Variants in ADCY7 observed in about 807,000 individuals in gnomAD.
ADCY7 encodes the protein adenylate cyclase 7, also known as adenylate cyclase type 7.
ADCY7 carries 72 observed loss-of-function variants against 120.6 expected under a neutral mutation model. The observed-to-expected ratio is 0.60, with a 90% confidence interval of 0.49 to 0.73. The LOEUF (loss-of-function observed/expected upper bound fraction) is 0.73. ADCY7 is among the 30% of genes least tolerant of loss of function. The pLI is 0.00. For missense variants in ADCY7, 1,227 were observed against 1,486.0 expected (o/e 0.83, Z 2.87); for synonymous variants, 661 against 628.0 (o/e 1.05, Z -0.78).
At chr16:50,308,616 C>A in intron 16 of ADCY7, 51 bp from the exon 17 acceptor site, 1 of 1,579,560 alleles carries the variant, frequency 6.3e-7, no homozygotes, top group Non-Finnish European at 8.6e-7. Context: ...GCGACCAGCC[C>A]TCCTTGCCCA....
At chr16:50,279,173 A>C (rs4785401) in intron 1 of ADCY7, among the ~76,000 whole-genome samples, 1 of 151,898 alleles carries the variant, frequency 6.6e-6, no homozygotes, top group Non-Finnish European at 1.5e-5. Context: ...TGCCAGGTCT[A>C]TGGAGCTCTT....
intron 1 of ADCY7, among the ~76,000 whole-genome samples, chr16:50,280,374 C>CA (rs35353793): frequency 0.42 from 57,341 of 135,446 alleles, 11,515 homozygotes; most frequent in Middle Eastern, 0.56. Flanking sequence ...TTAATTTTTT[C>CA]AAAAAAAAAA....
At chr16:50,284,548 A>C (rs532252901) in intron 1 of ADCY7, among the ~76,000 whole-genome samples, 1 of 152,088 alleles carries the variant, frequency 6.6e-6, no homozygotes, top group Non-Finnish European at 1.5e-5. Context: ...TGCCTGGGAG[A>C]TGGAGCAGTT....
chr16:50,304,777 A>C, intron 11 of ADCY7, 148 bp from the exon 12 acceptor site: 1 of 1,145,828 alleles, frequency 8.7e-7, no homozygotes, highest in Non-Finnish European at 1.3e-6. Flanking sequence ...GACCACGCTC[A>C]GCTATAGTCA....
intron 1 of ADCY7, among the ~76,000 whole-genome samples, chr16:50,284,767 ATCTG>A (rs1228042143): frequency 3.3e-5 from 5 of 152,216 alleles, no homozygotes; most frequent in Non-Finnish European, 7.3e-5. Flanking sequence ...ATCCCAGCCT[ATCTG>A]TCCACCAGCT....
At position 50,290,566 on chromosome 16, in the gene ADCY7, G is replaced by C; in HGVS notation, c.281G>C (p.Arg94Thr). The stretch of plus-strand genomic sequence containing the variant: ...GAGTGTCTCCTGCGGCGCTGGCTCA[G>C]GGCCTTGGCGCTGCTCACCTGGGCC... Reference protein sequence around the residue: ...YVECLLRRWLRALALLTWACL... With the variant: ...YVECLLRRWLTALALLTWACL... Residue 94 changes from arginine (R) to threonine (T), a missense_variant, in exon 3 of 26, where the codon AGG (arginine) becomes ACG (threonine). Physicochemically the swap from Arg to Thr is moderately conservative, Grantham distance 71. Coordinates refer to ENST00000673801, the MANE Select transcript of ADCY7 (RefSeq NM_001114.5). The C allele has an allele frequency of 6.2e-7, 1 of 1,614,184 alleles. No homozygotes were observed. Among genetic ancestry groups the C allele is most frequent in the Non-Finnish European group, 8.5e-7 (1 of 1,180,048 alleles).
intron 7 of ADCY7, among the ~76,000 whole-genome samples, chr16:50,294,979 C>T (rs1336613067): frequency 6.6e-6 from 1 of 152,140 alleles, no homozygotes; most frequent in Admixed American, 6.5e-5. Flanking sequence ...GGGAGACTGA[C>T]AGTGCACACT....
chr16:50,285,881 C>T (rs139584262), intron 1 of ADCY7, among the ~76,000 whole-genome samples: 40 of 152,196 alleles, frequency 2.6e-4, no homozygotes, highest in Non-Finnish European at 4.9e-4. Flanking sequence ...GGCTGGCAGG[C>T]GTAGGTGTGA....
At chr16:50,248,031 C>G (rs2032643232) in intron 1 of ADCY7, among the ~76,000 whole-genome samples, 1 of 152,174 alleles carries the variant, frequency 6.6e-6, no homozygotes, top group Non-Finnish European at 1.5e-5. Context: ...ACCCAAACGA[C>G]CAGTCCCATT....
chr16:50,310,894 C>CGTCCCT lies in ADCY7; in HGVS notation c.2354+19_2354+20insTGTCCC. On this transcript the variant is annotated intron_variant, in intron 19 of 25. Transcript: ENST00000673801. ...CGGCACCACCAGGTGGGGTCCCGCC[C>CGTCCCT]GTCCCCGTCCCCATCCCCATGGTGG... 1 of 1,566,674 alleles carries CGTCCCT rather than the reference C, an allele frequency of 6.4e-7. No individual in the cohort carries two copies. Among genetic ancestry groups the CGTCCCT allele is most frequent in the African/African-American group, 1.4e-5 (1 of 73,912 alleles).
chr16:50,257,318 C>T (rs1346478029), intron 1 of ADCY7, among the ~76,000 whole-genome samples: 1 of 135,580 alleles, frequency 7.4e-6, no homozygotes, highest in East Asian at 2.1e-4. Context: ...GTAAGGGGGG[C>T]AGGGGTGGGA....
chr16:50,312,828 T>C, intron 21 of ADCY7, 62 bp from the exon 22 acceptor site: 1 of 1,432,710 alleles, frequency 7.0e-7, no homozygotes, highest in Non-Finnish European at 9.3e-7. Flanking sequence ...CCTGAGGCCT[T>C]GCCACTCTTC....
At chr16:50,300,962 G>A (rs2035678972) in intron 9 of ADCY7, 89 bp downstream of exon 9, 1 of 1,533,010 alleles carries the variant, frequency 6.5e-7, no homozygotes, top group Non-Finnish European at 8.8e-7. Flanking sequence ...GGTCAGGTGT[G>A]GAGGGAGAGA....
chr16:50,313,805 T>TAA, intron 22 of ADCY7, 153 bp from the exon 23 acceptor site: 1 of 628,020 alleles, frequency 1.6e-6, no homozygotes, highest in Non-Finnish European at 2.8e-6. Context: ...TCACCATGCT[T>TAA]AGTCATGCGC....
At position 50,311,723 on chromosome 16, in the gene ADCY7, G is replaced by GAAGACC; in HGVS notation, c.2387_2392dup (p.Lys796_Thr797dup). 2 of 1,605,892 alleles carry GAAGACC rather than the reference G, an allele frequency of 1.2e-6. No homozygotes were observed. Among genetic ancestry groups the GAAGACC allele is most frequent in the Non-Finnish European group, 1.7e-6 (2 of 1,177,006 alleles). ...CCCCTAGCTGTTCCTGGAAGGACCT[G>GAAGACC]AAGACCATGACCAATTTCTACCTGG... is the stretch of plus-strand genomic sequence containing the variant. On this transcript the variant is annotated inframe_insertion, in exon 20 of 26. Transcript: ENST00000673801.
At chr16:50,292,972 A>G (rs1244002688) in intron 5 of ADCY7, 147 bp downstream of exon 5, 2 of 1,079,586 alleles carry the variant, frequency 1.9e-6, no homozygotes, top group Non-Finnish European at 2.7e-6. Context: ...GGGCTCCAGC[A>G]GGGTAACCAT....
chr16:50,309,699 G>A, intron 18 of ADCY7, 53 bp downstream of exon 18: 1 of 1,504,954 alleles, frequency 6.6e-7, no homozygotes, highest in South Asian at 1.2e-5. Flanking sequence ...GGCTGCTGCT[G>A]CCAGAGGTGT....
intron 1 of ADCY7, chr16:50,279,735 C>T (rs1158326751): frequency 6.6e-6 from 1 of 152,184 alleles, no homozygotes; most frequent in African/African-American, 2.4e-5. Flanking sequence ...CCTGGGCAGT[C>T]ACTAACTAGC....
Position 50,312,922 on chromosome 16 carries a change from T to C in ADCY7, c.2637T>C (p.Cys879=). Residue 879 remains cysteine, a synonymous_variant, in exon 22 of 26, where the codon TGT becomes TGC. Coordinates refer to ENST00000673801, the MANE Select transcript of ADCY7 (RefSeq NM_001114.5). ...DWYHQSYDCV[C]VMFASVPDFK... ...ACCATCAGTCCTATGACTGCGTCTG[T>C]GTCATGTTTGCCTCCGTGCCGGACT... 6.2e-7 allele frequency: 1 copy of C among 1,614,184 alleles called. No homozygotes were observed.
Sources: allele counts gnomAD v4.1 joint callset (sites outside exome capture counted in the v4.1 genomes callset), GRCh38; gene constraint gnomAD v4.1.1; transcripts MANE v1.5; gene names NCBI Gene and HGNC (gene_info 2026-07-23, HGNC 2026-07-21).